IPO8: variants seen among roughly 807,000 people sequenced by gnomAD.
The protein encoded by IPO8 is importin 8, also known as importin-8.
In IPO8, 65 loss-of-function variants were observed where a neutral mutation model predicts 141.2. That is an observed-to-expected ratio of 0.46 (90% CI 0.38 to 0.57). IPO8 has a LOEUF of 0.57. Ranked by LOEUF, IPO8 falls within the 20% of genes least tolerant of loss-of-function variation. IPO8 has a pLI of 0.00. For missense variants in IPO8, 980 were observed against 1,246.8 expected (o/e 0.79, Z 3.22); for synonymous variants, 411 against 420.3 (o/e 0.98, Z 0.27).
chr12:30,670,082 C>A (rs1027451714), intron 9 of IPO8, among the ~76,000 whole-genome samples: 5 of 152,188 alleles, frequency 3.3e-5, no homozygotes, highest in Admixed American at 3.3e-4. Context: ...TCACAACTCA[C>A]CCTTACTTTA....
At chr12:30,667,607 T>C (rs59551332) in intron 10 of IPO8, among the ~76,000 whole-genome samples, 2 of 152,100 alleles carry the variant, frequency 1.3e-5, no homozygotes, top group East Asian at 1.9e-4. Flanking sequence ...AATACACATA[T>C]CAAATAAAAG....
Position 30,653,112 on chromosome 12 carries a change from T to C in IPO8, c.1949-20A>G, listed in dbSNP as rs199570084. 302 of 1,603,328 alleles carry C rather than the reference T, an allele frequency of 1.9e-4. No homozygotes were observed. Among genetic ancestry groups the C allele is most frequent in the Non-Finnish European group, 2.4e-4 (286 of 1,176,010 alleles). ...AGAATTCTAGAAGAAAGAAAATCTC[T>C]AGTTAGAATGCTAGGAAATAGCAAA... On this transcript the variant is annotated intron_variant, in intron 17 of 24. Coordinates refer to ENST00000256079, the MANE Select transcript of IPO8 (RefSeq NM_006390.4).
chr12:30,661,661 A>G (rs1044285546), intron 15 of IPO8, among the ~76,000 whole-genome samples: 3 of 151,986 alleles, frequency 2.0e-5, no homozygotes, highest in Non-Finnish European at 4.4e-5. Flanking sequence ...GTTTTTAAAA[A>G]AATTAAGAGA....
chr12:30,672,808 A>G (rs549105364), intron 8 of IPO8, among the ~76,000 whole-genome samples: 50 of 152,306 alleles, frequency 3.3e-4, no homozygotes, highest in Admixed American at 1.7e-3. Flanking sequence ...AAATTCAACT[A>G]TATAACTACA....
Position 30,652,877 on chromosome 12 carries a change from T to C in IPO8, c.2074+90A>G. On this transcript the variant is annotated intron_variant, in intron 18 of 24. Coordinates refer to ENST00000256079, the MANE Select transcript of IPO8 (RefSeq NM_006390.4). ...AAATAAAAACATTTTCTGATCAATA[T>C]TGGAATCATATGTGTTTTTATTTCA... 18 of 1,178,052 alleles carry C rather than the reference T, an allele frequency of 1.5e-5. 1 individual carries two copies. The South Asian group carries it at 2.2e-4, about 14-fold the overall frequency. 73.0% of individuals were successfully genotyped at this position (1,178,052 alleles called of 1,614,324 possible).
At chr12:30,689,096 A>C (rs2053268326) in intron 2 of IPO8, among the ~76,000 whole-genome samples, 1 of 152,120 alleles carries the variant, frequency 6.6e-6, no homozygotes, top group South Asian at 2.1e-4. Flanking sequence ...GGTTAAATGA[A>C]AAAAAGGAAA....
chr12:30,681,190 C>T (rs770471378), intron 4 of IPO8, among the ~76,000 whole-genome samples: 3 of 152,070 alleles, frequency 2.0e-5, no homozygotes, highest in Non-Finnish European at 2.9e-5. Context: ...TAGCAATCTT[C>T]CTAGAAACCA....
At chr12:30,664,609 A>G (rs908708286) in intron 13 of IPO8, among the ~76,000 whole-genome samples, 1 of 152,260 alleles carries the variant, frequency 6.6e-6, no homozygotes, top group Non-Finnish European at 1.5e-5. Flanking sequence ...TTTTATACAC[A>G]AAATAAATCC....
chr12:30,643,256 C>T (rs1204788355), intron 20 of IPO8, among the ~76,000 whole-genome samples: 4 of 152,090 alleles, frequency 2.6e-5, no homozygotes, highest in African/African-American at 9.7e-5. Flanking sequence ...GTGCATGAGC[C>T]AAGATCATGC....
chr12:30,671,537 G>A (rs936576883), intron 8 of IPO8, among the ~76,000 whole-genome samples: 13 of 151,942 alleles, frequency 8.6e-5, no homozygotes, highest in Non-Finnish European at 1.8e-4. Context: ...AGCCGGGCGT[G>A]GTGGCGGGTG....
At chr12:30,676,878 G>A (rs917839253) in intron 5 of IPO8, 5 of 1,437,128 alleles carry the variant, frequency 3.5e-6, no homozygotes, top group Admixed American at 3.9e-5. Context: ...TTCTAAGTGA[G>A]TGATTTTTAT....
chr12:30,632,284 T>C (rs6487924), intron 23 of IPO8, among the ~76,000 whole-genome samples: 38,815 of 152,114 alleles, frequency 0.26, 5,449 homozygotes, highest in African/African-American at 0.35. Context: ...CTGTCTTCTA[T>C]GGATGTTCTC....
chr12:30,691,492 T>C (rs2053290706), intron 1 of IPO8, among the ~76,000 whole-genome samples: 1 of 152,172 alleles, frequency 6.6e-6, no homozygotes, highest in African/African-American at 2.4e-5. Context: ...AGCAAAAAAA[T>C]ACAGAGCATC....
intron 3 of IPO8, among the ~76,000 whole-genome samples, chr12:30,682,672 T>A (rs190943204): frequency 2.0e-5 from 3 of 152,192 alleles, no homozygotes; most frequent in African/African-American, 7.2e-5. Context: ...TTACATGACA[T>A]TTTCAAATGG....
chr12:30,695,526 C>T lies in IPO8; in HGVS notation c.84+38G>A, dbSNP rs1302153911. ...GCCCGGCCAGCCGGCAGGGGCGCCC[C>T]TTCGGCGGAAGAGGGTCGCCGAAGA... On this transcript the variant is annotated intron_variant, in intron 1 of 24. Coordinates refer to ENST00000256079, the MANE Select transcript of IPO8 (RefSeq NM_006390.4). This position sits in a 1 kb window ranked among gnomAD's most constrained non-coding sequence, Gnocchi z 4.2. 1 of 1,591,364 alleles carries T rather than the reference C, an allele frequency of 6.3e-7. No homozygotes were observed. The highest frequency in any genetic ancestry group is 2.3e-5 in the East Asian group (1 of 44,414).
chr12:30,653,838 A>C (rs1175721750), intron 17 of IPO8, among the ~76,000 whole-genome samples: 1 of 152,114 alleles, frequency 6.6e-6, no homozygotes. Context: ...AACTTGATTA[A>C]GGTTTCTCTA....
At chr12:30,677,134 T>C (rs1202545011) in intron 5 of IPO8, 5 of 1,422,922 alleles carry the variant, frequency 3.5e-6, no homozygotes, top group East Asian at 2.7e-5. Flanking sequence ...CATAATAAGA[T>C]AGACAATCTT....
Position 30,637,010 on chromosome 12 carries a change from T to C in IPO8, c.2667A>G (p.Lys889=), listed in dbSNP as rs2052511051. Residue 889 remains lysine (K), a synonymous_variant, in exon 22 of 25, where the codon AAA becomes AAG. Transcript: ENST00000256079. ...RQLVNREDRS[K]AEKADMEENE... is the part of the protein sequence containing the mutation. The stretch of plus-strand genomic sequence containing the variant: ...TTTCTTCCATATCAGCTTTCTCTGC[T>C]TTTGAACGATCTTCCCGGTTTACCA... 4 of 1,614,060 alleles carry C rather than the reference T, an allele frequency of 2.5e-6. No individual in the cohort carries two copies. The highest frequency in any genetic ancestry group is 8.5e-7 in the Non-Finnish European group (1 of 1,179,924).
intron 22 of IPO8, 31 bp downstream of exon 22, chr12:30,636,951 T>G: frequency 6.4e-7 from 1 of 1,556,566 alleles, no homozygotes; most frequent in South Asian, 1.1e-5. Context: ...CAAAATCAAT[T>G]GTAACATTAA....
Sources: allele counts gnomAD v4.1 joint callset (sites outside exome capture counted in the v4.1 genomes callset), GRCh38; gene constraint gnomAD v4.1.1; non-coding constraint Gnocchi (gnomAD v3.1); transcripts MANE v1.5; gene names NCBI Gene and HGNC (gene_info 2026-07-23, HGNC 2026-07-21).